The following CXCR2 variants were observed in gnomAD, a reference collection of about 807,000 sequenced individuals.
The protein encoded by CXCR2 is C-X-C chemokine receptor type 2.
A neutral mutation model predicts 3.7 loss-of-function variants in CXCR2; 2 were observed. The ratio of observed to expected loss-of-function variants is 0.55; its 90% CI spans 0.22 to 1.72. CXCR2 has a LOEUF of 1.72. Ranked by LOEUF, CXCR2 falls within the 40% of genes most tolerant of loss-of-function variation. CXCR2 has a pLI of 0.19. For synonymous variants in CXCR2, 203 were observed against 193.3 expected, an observed-to-expected ratio of 1.05 and a Z score of -0.41; for missense variants, 351 against 450.1, an observed-to-expected ratio of 0.78 and a Z score of 1.99.
At position 218,137,153 on chromosome 2, in the gene CXCR2, G is replaced by A. The variant is rs1477449331; in HGVS notation, c.*1269G>A. 1.2e-5 allele frequency: 2 copies of A among 166,794 alleles called. No individual in the cohort carries two copies. Among genetic ancestry groups the A allele is most frequent in the East Asian group, 1.9e-4 (1 of 5,328 alleles). The allele number at this position is 166,794 out of a possible 1,614,324, so 10.3% of individuals were successfully genotyped here. On this transcript the variant is annotated 3_prime_UTR_variant, in exon 3 of 3. Coordinates refer to ENST00000318507, the MANE Select transcript of CXCR2 (RefSeq NM_001557.4). Reference sequence around the variant, plus strand: ...CCCAAAAGGTATTTTAATCACCAAGGCTGATTAAACCAAGGCTAGAACCAC... The same window carrying A: ...CCCAAAAGGTATTTTAATCACCAAGACTGATTAAACCAAGGCTAGAACCAC...
chr2:218,134,448 C>G (rs1399534061), intron 2 of CXCR2, among the ~76,000 whole-genome samples: 1 of 152,142 alleles, frequency 6.6e-6, no homozygotes, highest in Non-Finnish European at 1.5e-5. Context: ...GCCAAAGATG[C>G]TCGCCACTGA....
chr2:218,135,412 C>T lies in CXCR2; in HGVS notation c.611C>T (p.Thr204Ile), dbSNP rs1473048332. The T allele has an allele frequency of 2.2e-5, 35 of 1,614,116 alleles. No homozygotes were observed. Among genetic ancestry groups the T allele is most frequent in the Non-Finnish European group, 2.9e-5 (34 of 1,180,052 alleles). The change falls in exon 3 of 3, where the codon ACA becomes ATA. Residue 204 changes from threonine (T) to isoleucine (I), a missense_variant. Transcript: ENST00000318507. The surrounding 1 kb of genome is among the most constrained non-coding windows in gnomAD (Gnocchi z 4.0). ...PACYEDMGNN[T>I]ANWRMLLRIL... ...TGCTATGAGGACATGGGCAACAATA[C>T]AGCAAACTGGCGGATGCTGTTACGG...
rs199692849 is a variant in CXCR2, at chr2:218,135,404, C to A, written c.603C>A (p.Gly201=). The A allele has an allele frequency of 8.7e-6, 14 of 1,614,116 alleles. No homozygotes were observed. The highest frequency in any genetic ancestry group is 1.1e-5 in the Non-Finnish European group (13 of 1,180,052). The change falls in exon 3 of 3, where the codon GGC becomes GGA. Residue 201 remains glycine (G), a synonymous_variant. Coordinates refer to ENST00000318507, the MANE Select transcript of CXCR2 (RefSeq NM_001557.4). This position sits in a 1 kb window ranked among gnomAD's most constrained non-coding sequence, Gnocchi z 4.0. ...NVSPACYEDM[G]NNTANWRMLL... ...GCCCAGCCTGCTATGAGGACATGGG[C>A]AACAATACAGCAAACTGGCGGATGC...
At chr2:218,129,480 T>A (rs1690590218) in intron 2 of CXCR2, 115 bp downstream of exon 2, 1 of 152,268 alleles carries the variant, frequency 6.6e-6, no homozygotes, top group South Asian at 2.1e-4. Flanking sequence ...GGTGGGCCCC[T>A]CACCCTCACC....
chr2:218,130,372 A>G (rs896683026), intron 2 of CXCR2, among the ~76,000 whole-genome samples: 4 of 152,180 alleles, frequency 2.6e-5, no homozygotes, highest in African/African-American at 9.7e-5. Context: ...GTGAGCCGAG[A>G]TCACGCCATT....
At chr2:218,126,468 A>G (rs1690511418) in intron 1 of CXCR2, 115 bp downstream of exon 1, 1 of 152,228 alleles carries the variant, frequency 6.6e-6, no homozygotes, top group African/African-American at 2.4e-5. Context: ...GTAGAAGCTT[A>G]GAGCTAAAGA....
At position 218,135,005 on chromosome 2, in the gene CXCR2, C is replaced by G. The variant is rs201294973; in HGVS notation, c.204C>G (p.Leu68=). ...TGCTGAGCCTGCTGGGAAACTCCCT[C>G]GTGATGCTGGTCATCTTATACAGCA... is the stretch of plus-strand genomic sequence containing the variant. ...VFLLSLLGNS[L]VMLVILYSRV... The change falls in exon 3 of 3, where the codon CTC becomes CTG. Residue 68 remains leucine, a synonymous_variant. Transcript: ENST00000318507. The surrounding 1 kb of genome is among the most constrained non-coding windows in gnomAD (Gnocchi z 4.0). The G allele has an allele frequency of 1.5e-5, 25 of 1,614,066 alleles. No individual in the cohort carries two copies. In the Middle Eastern group the frequency reaches 4.9e-4, roughly 32 times the overall value.
Position 218,135,939 on chromosome 2 carries a change from A to T in CXCR2, c.*55A>T. 6.5e-7 allele frequency: 1 copy of T among 1,539,792 alleles called. No homozygotes were observed. Among genetic ancestry groups the T allele is most frequent in the South Asian group, 1.3e-5 (1 of 78,540 alleles). ...GTTCCTCCCTTCTCTTCACAGTCAC[A>T]TTCCAAGCCTCATGTCCACTGGTTC... On this transcript the variant is annotated 3_prime_UTR_variant, in exon 3 of 3. Coordinates refer to ENST00000318507, the MANE Select transcript of CXCR2 (RefSeq NM_001557.4). The surrounding 1 kb of genome is among the most constrained non-coding windows in gnomAD (Gnocchi z 4.0).
chr2:218,132,146 G>A (rs1014077651), intron 2 of CXCR2, among the ~76,000 whole-genome samples: 2 of 152,040 alleles, frequency 1.3e-5, no homozygotes, highest in South Asian at 2.1e-4. Context: ...TACCCCAAAA[G>A]TCACCCATTT....
intron 2 of CXCR2, among the ~76,000 whole-genome samples, chr2:218,133,772 G>T (rs1378147380): frequency 1.3e-5 from 2 of 152,208 alleles, no homozygotes; most frequent in Non-Finnish European, 2.9e-5. Context: ...CTCCAGCAGG[G>T]CTGGAAAGCC....
rs1228758796 is a variant in CXCR2 at position 218,136,794 on chromosome 2, C to A, written c.*910C>A. On this transcript the variant is annotated 3_prime_UTR_variant, in exon 3 of 3. Coordinates refer to ENST00000318507, the MANE Select transcript of CXCR2 (RefSeq NM_001557.4). ...GTACTCATACATGTTACAACACGGA[C>A]GAACCTTGAAAACTTTATGCTAAGT... 1.8e-5 allele frequency: 3 copies of A among 167,050 alleles called. No individual in the cohort carries two copies. Among genetic ancestry groups the A allele is most frequent in the Non-Finnish European group, 4.4e-5 (3 of 68,124 alleles). The allele number at this position is 167,050 out of a possible 1,614,324, so 10.3% of individuals were successfully genotyped here.
rs371161134 is a variant in CXCR2, at chr2:218,134,838, G to C, written c.37G>C (p.Asp13His). 19 of 1,613,890 alleles carry C rather than the reference G, an allele frequency of 1.2e-5. No homozygotes were observed. Among genetic ancestry groups the C allele is most frequent in the Non-Finnish European group, 1.6e-5 (19 of 1,179,902 alleles). Residue 13 changes from aspartate to histidine, a missense_variant, in exon 3 of 3, where the codon GAT becomes CAT. Asp to His is a moderately conservative substitution (Grantham distance 81). Coordinates refer to ENST00000318507, the MANE Select transcript of CXCR2 (RefSeq NM_001557.4). Reference protein sequence around the residue: ...DFNMESDSFEDFWKGEDLSNY... With the variant: ...DFNMESDSFEHFWKGEDLSNY... Reference sequence around the variant, plus strand: ...TAACATGGAGAGTGACAGCTTTGAAGATTTCTGGAAAGGTGAAGATCTTAG... The same window carrying C: ...TAACATGGAGAGTGACAGCTTTGAACATTTCTGGAAAGGTGAAGATCTTAG...
rs774626680 is a variant in CXCR2, at chr2:218,135,426, A to G, written c.625A>G (p.Met209Val). The change falls in exon 3 of 3, where the codon ATG becomes GTG. Residue 209 changes from methionine to valine, a missense_variant. Physicochemically the swap from Met to Val is conservative, Grantham distance 21. Coordinates refer to ENST00000318507, the MANE Select transcript of CXCR2 (RefSeq NM_001557.4). The surrounding 1 kb of genome is among the most constrained non-coding windows in gnomAD (Gnocchi z 4.0). ...GGGCAACAATACAGCAAACTGGCGG[A>G]TGCTGTTACGGATCCTGCCCCAGTC... ...DMGNNTANWR[M>V]LLRILPQSFG... is the part of the protein sequence containing the mutation. 4.3e-6 allele frequency: 7 copies of G among 1,614,194 alleles called. No homozygotes were observed. In the Admixed American group the frequency reaches 1.2e-4, roughly 27 times the overall value.
chr2:218,137,027 AC>A lies in CXCR2; in HGVS notation c.*1145del, dbSNP rs1690826051. On this transcript the variant is annotated 3_prime_UTR_variant, in exon 3 of 3. Coordinates refer to ENST00000318507, the MANE Select transcript of CXCR2 (RefSeq NM_001557.4). ...GCAGATAAACAGTAGTGATAGTTGTACCGCAATGTGACTTAATGCCACTAAA... is the reference window on the plus strand; with the variant it reads ...GCAGATAAACAGTAGTGATAGTTGTACGCAATGTGACTTAATGCCACTAAA... The A allele has an allele frequency of 6.0e-6, 1 of 166,944 alleles. No individual in the cohort carries two copies. The highest frequency in any genetic ancestry group is 1.5e-5 in the Non-Finnish European group (1 of 68,112). 10.3% of individuals were successfully genotyped at this position (166,944 alleles called of 1,614,324 possible). A position where few individuals can be genotyped will look rare whatever the true frequency, so the allele number is the denominator to read the frequency against.
intron 2 of CXCR2, among the ~76,000 whole-genome samples, chr2:218,130,178 TG>T (rs1258617853): frequency 6.6e-6 from 1 of 152,174 alleles, no homozygotes; most frequent in African/African-American, 2.4e-5. Flanking sequence ...CTCAGCACTT[TG>T]GGAGGCTAAG....
intron 2 of CXCR2, among the ~76,000 whole-genome samples, chr2:218,131,656 A>G (rs1463346470): frequency 6.6e-6 from 1 of 151,790 alleles, no homozygotes; most frequent in African/African-American, 2.4e-5. Flanking sequence ...TTTTTAGTAG[A>G]GACGGGGTTT....
chr2:218,129,680 C>T (rs113602504), intron 2 of CXCR2, among the ~76,000 whole-genome samples: 4,993 of 151,290 alleles, frequency 0.033, 111 homozygotes, highest in South Asian at 0.094. Context: ...GAGGATGGGC[C>T]GAACACTGTT....
At chr2:218,128,697 G>A (rs1029303741) in intron 1 of CXCR2, among the ~76,000 whole-genome samples, 1 of 152,164 alleles carries the variant, frequency 6.6e-6, no homozygotes, top group Admixed American at 6.5e-5. Context: ...GGTGTCCTCA[G>A]ACCCAATGCC....
rs201002971 is a variant in CXCR2, at chr2:218,134,776, G to T, written c.-25-1G>T. On this transcript the variant is annotated splice_acceptor_variant, in intron 2 of 2. Coordinates refer to ENST00000318507, the MANE Select transcript of CXCR2 (RefSeq NM_001557.4). LOFTEE classifies it low-confidence loss of function (5UTR_SPLICE). ...CAGTAACCTTCATCTCTCTTCTATA[G>T]GTCAGGATTTAAGTTTACCTCAAAA... is the stretch of plus-strand genomic sequence containing the variant. 3 of 1,603,290 alleles carry T rather than the reference G, an allele frequency of 1.9e-6. No homozygotes were observed. The highest frequency in any genetic ancestry group is 2.6e-6 in the Non-Finnish European group (3 of 1,173,566).
Sources: allele counts gnomAD v4.1 joint callset (sites outside exome capture counted in the v4.1 genomes callset), GRCh38; gene constraint gnomAD v4.1.1; non-coding constraint Gnocchi (gnomAD v3.1); transcripts MANE v1.5; gene names NCBI Gene and HGNC (gene_info 2026-07-23, HGNC 2026-07-21).